The following VRTN variants were observed in gnomAD, a reference collection of about 807,000 sequenced individuals.
The protein encoded by VRTN is vertebrae development associated.
A neutral mutation model predicts 18.2 loss-of-function variants in VRTN; 5 were observed. The ratio of observed to expected loss-of-function variants is 0.27; its 90% CI spans 0.14 to 0.58. The LOEUF (loss-of-function observed/expected upper bound fraction) is 0.58. VRTN is among the 20% of genes least tolerant of loss of function. VRTN has a pLI of 0.91. For synonymous variants in VRTN, 381 were observed against 393.7 expected (o/e 0.97, Z 0.38); for missense variants, 741 against 939.4 (o/e 0.79, Z 2.76).
Position 74,353,543 on chromosome 14 carries a change from A to G in VRTN, c.-1-3240A>G, listed in dbSNP as rs538724177. ...GCTGTTTCTGGGGCAGCACTTCTCA[A>G]ACTTTTTGGTTTCAGGACTCCTGTA... On this transcript the variant is annotated intron_variant, in intron 1 of 1. Transcript: ENST00000256362. Among the ~76,000 whole-genome samples the G allele has an allele frequency of 5.9e-5, 9 of 152,272 alleles. No homozygotes were observed. The East Asian group carries it at 1.7e-3, about 29-fold the overall frequency.
chr14:74,336,417 C>T (rs2085564742), intron 1 of VRTN, among the ~76,000 whole-genome samples: 1 of 151,210 alleles, frequency 6.6e-6, no homozygotes, highest in South Asian at 2.1e-4. Context: ...CAAAAAAAAC[C>T]CGCCTCTTTC....
At chr14:74,349,878 A>G (rs1376843730) in intron 1 of VRTN, among the ~76,000 whole-genome samples, 1 of 151,828 alleles carries the variant, frequency 6.6e-6, no homozygotes, top group Non-Finnish European at 1.5e-5. Flanking sequence ...TCCTGCCTTT[A>G]CCCCCGCCCT....
At chr14:74,327,503 T>G (rs1201188255) in intron 1 of VRTN, among the ~76,000 whole-genome samples, 1 of 152,014 alleles carries the variant, frequency 6.6e-6, no homozygotes, top group Non-Finnish European at 1.5e-5. Flanking sequence ...CCAGGCAGCC[T>G]CCTAAAGTCC....
chr14:74,352,835 A>G (rs1434250586), intron 1 of VRTN, among the ~76,000 whole-genome samples: 2 of 152,250 alleles, frequency 1.3e-5, no homozygotes, highest in Non-Finnish European at 2.9e-5. Flanking sequence ...GATCTGAGAA[A>G]CCAGAAAGGA....
chr14:74,329,121 C>T (rs1171137045), intron 1 of VRTN, among the ~76,000 whole-genome samples: 1 of 151,736 alleles, frequency 6.6e-6, no homozygotes, highest in Non-Finnish European at 1.5e-5. Flanking sequence ...AAAAAAAATA[C>T]AAAATTAGCT....
intron 1 of VRTN, among the ~76,000 whole-genome samples, chr14:74,330,963 G>T (rs1379768608): frequency 6.6e-6 from 1 of 151,566 alleles, no homozygotes; most frequent in Non-Finnish European, 1.5e-5. Context: ...ACTTTGAGAG[G>T]CCCAGGTGGG....
At chr14:74,328,022 T>C (rs2085498634) in intron 1 of VRTN, among the ~76,000 whole-genome samples, 2 of 151,986 alleles carry the variant, frequency 1.3e-5, no homozygotes, top group African/African-American at 4.8e-5. Flanking sequence ...CGCCTGGCCC[T>C]TGTGGGTGAT....
At chr14:74,321,486 T>A (rs772199832) in intron 1 of VRTN, among the ~76,000 whole-genome samples, 1 of 151,344 alleles carries the variant, frequency 6.6e-6, no homozygotes, top group East Asian at 1.9e-4. Context: ...GAGCCCACAT[T>A]CTTGCTCTCT....
intron 2 of VRTN, among the ~76,000 whole-genome samples, chr14:74,339,585 G>A (rs536908923): frequency 6.6e-6 from 1 of 152,162 alleles, no homozygotes; most frequent in African/African-American, 2.4e-5. Context: ...CCAAGGCAGT[G>A]GGAGGATCAC....
chr14:74,343,851 A>G (rs1380882006), upstream of VRTN, among the ~76,000 whole-genome samples: 1 of 151,948 alleles, frequency 6.6e-6, no homozygotes, highest in East Asian at 1.9e-4. Flanking sequence ...GCTGGAGTAC[A>G]GTGGCGTGAT....
intron 1 of VRTN, among the ~76,000 whole-genome samples, chr14:74,356,474 G>A (rs141656017): frequency 3.7e-4 from 57 of 152,282 alleles, no homozygotes; most frequent in East Asian, 2.9e-3. Flanking sequence ...GTAAGCCACC[G>A]TGCCTGGCCT....
chr14:74,354,645 C>T (rs1050305529), intron 1 of VRTN, among the ~76,000 whole-genome samples: 2 of 151,884 alleles, frequency 1.3e-5, no homozygotes, highest in Admixed American at 6.6e-5. Context: ...GCTCGTGGTC[C>T]GCCCGTGTCG....
upstream of VRTN, among the ~76,000 whole-genome samples, chr14:74,343,884 CTCCCGGGT>C (rs890712709): frequency 1.3e-5 from 2 of 151,886 alleles, no homozygotes; most frequent in Non-Finnish European, 2.9e-5. Context: ...CAACCTCCGC[CTCCCGGGT>C]TCAAGTGATT....
chr14:74,344,407 C>CAAAA (rs58231760), upstream of VRTN, among the ~76,000 whole-genome samples: 15,254 of 65,940 alleles, frequency 0.23, 2,066 homozygotes, highest in East Asian at 0.38. Context: ...AAGACTGTCT[C>CAAAA]AAAAAAAAAA....
At chr14:74,309,422 C>A (rs969583300) in intron 1 of VRTN, among the ~76,000 whole-genome samples, 9 of 152,158 alleles carry the variant, frequency 5.9e-5, no homozygotes, top group Non-Finnish European at 1.2e-4. Context: ...GGCTCTAATC[C>A]AGTTTTTACA....
At chr14:74,334,571 T>G (rs2085551144) in intron 1 of VRTN, among the ~76,000 whole-genome samples, 1 of 152,156 alleles carries the variant, frequency 6.6e-6, no homozygotes, top group South Asian at 2.1e-4. Context: ...ACATAGCTTT[T>G]TGTGACCCTG....
At chr14:74,303,017 A>T, upstream of VRTN, 1 of 1,240,446 alleles carries the variant, frequency 8.1e-7, no homozygotes. Flanking sequence ...GGCGTTTGAT[A>T]GAGAGGAAGG....
intron 1 of VRTN, among the ~76,000 whole-genome samples, chr14:74,351,186 A>C (rs1195738933): frequency 6.6e-6 from 1 of 152,252 alleles, no homozygotes; most frequent in Non-Finnish European, 1.5e-5. Context: ...AAAATGAAAA[A>C]GCTTGTCTGT....
intron 1 of VRTN, among the ~76,000 whole-genome samples, chr14:74,329,726 G>T (rs1595167929): frequency 6.6e-6 from 1 of 151,816 alleles, no homozygotes; most frequent in Non-Finnish European, 1.5e-5. Context: ...CTACAGGTAT[G>T]TGCCACCATG....
Sources: gnomAD v4.1 joint callset for allele counts (sites outside exome capture counted in the v4.1 genomes callset) on GRCh38, gnomAD v4.1.1 for gene constraint, MANE v1.5 for transcripts, NCBI Gene and HGNC (gene_info 2026-07-23, HGNC 2026-07-21) for gene names.